The following SHISA9 variants were observed in gnomAD, a reference collection of about 807,000 sequenced individuals.
The protein encoded by SHISA9 is shisa family member 9, also known as protein shisa-9.
SHISA9 carries 13 observed loss-of-function variants against 38.0 expected under a neutral mutation model. The ratio of observed to expected loss-of-function variants is 0.34; its 90% CI spans 0.22 to 0.54. The LOEUF is 0.54. Ranked by LOEUF, SHISA9 falls within the 20% of genes least tolerant of loss-of-function variation. The pLI is 0.91. For missense variants in SHISA9, 538 were observed against 575.8 expected, an observed-to-expected ratio of 0.93 and a Z score of 0.67; for synonymous variants, 275 against 242.0, an observed-to-expected ratio of 1.14 and a Z score of -1.27.
the SHISA9 span, among the ~76,000 whole-genome samples, chr16:13,507,908 T>C: frequency 6.6e-6 from 1 of 152,228 alleles, no homozygotes; most frequent in Non-Finnish European, 1.5e-5. Context: ...GTGCACACAC[T>C]ATTTTAATGA....
intron 2 of SHISA9, among the ~76,000 whole-genome samples, chr16:12,975,920 T>C (rs2072155722): frequency 6.6e-6 from 1 of 151,990 alleles, no homozygotes; most frequent in African/African-American, 2.4e-5. Context: ...AACAGAAACT[T>C]TTAGTTAAAT....
intron 2 of SHISA9, among the ~76,000 whole-genome samples, chr16:12,937,603 T>A (rs1352037566): frequency 6.6e-6 from 1 of 152,184 alleles, no homozygotes; most frequent in Non-Finnish European, 1.5e-5. Context: ...TGGAGAGGGC[T>A]CCCTTCCTGG....
chr16:13,344,760 A>G, the SHISA9 span, among the ~76,000 whole-genome samples: 1 of 152,180 alleles, frequency 6.6e-6, no homozygotes, highest in Non-Finnish European at 1.5e-5. Context: ...GTGAATATAT[A>G]TGCCCCAAAT....
In SHISA9 at chr16:13,080,235, T is replaced by A. The variant is rs573450642; in HGVS notation, c.692-123159T>A. On this transcript the variant is annotated intron_variant, in intron 2 of 4. Coordinates refer to ENST00000558583, the MANE Select transcript of SHISA9 (RefSeq NM_001145204.3). Reference sequence around the variant, plus strand: ...AAAAATACAAAAAATTAGCTGGGCGTGGTGGTGGGCGCCTGTAATCCCAGC... The same window carrying A: ...AAAAATACAAAAAATTAGCTGGGCGAGGTGGTGGGCGCCTGTAATCCCAGC... Among the ~76,000 whole-genome samples the A allele has an allele frequency of 6.5e-3, 985 of 151,982 alleles. 9 individuals carry two copies. Among genetic ancestry groups the A allele is most frequent in the Non-Finnish European group, 0.011 (756 of 67,952 alleles).
chr16:13,059,713 C>G (rs1479992143), intron 2 of SHISA9, among the ~76,000 whole-genome samples: 7 of 152,100 alleles, frequency 4.6e-5, no homozygotes, highest in East Asian at 1.9e-4. Context: ...ATATCACATT[C>G]CGATATTATT....
chr16:13,533,784 T>A, the SHISA9 span, among the ~76,000 whole-genome samples: 2 of 34,068 alleles, frequency 5.9e-5, no homozygotes, highest in South Asian at 2.1e-3. Flanking sequence ...ACTCTCAATT[T>A]TTTTTTTTTT....
At chr16:13,015,896 T>TTCTTTCTC (rs1555454836) in intron 2 of SHISA9, among the ~76,000 whole-genome samples, 5 of 125,826 alleles carry the variant, frequency 4.0e-5, no homozygotes, top group African/African-American at 1.4e-4. Context: ...CTTTCTTTCT[T>TTCTTTCTC]TCTTTCTTTC....
intron 1 of SHISA9, 26 bp from the exon 2 acceptor site, chr16:12,916,662 C>T: frequency 6.5e-7 from 1 of 1,543,104 alleles, no homozygotes; most frequent in Non-Finnish European, 8.7e-7. Flanking sequence ...TTTGAATGAA[C>T]AGATTTAAAT....
chr16:13,190,628 A>G (rs1006889482), intron 2 of SHISA9, among the ~76,000 whole-genome samples: 3 of 152,142 alleles, frequency 2.0e-5, no homozygotes, highest in African/African-American at 7.2e-5. Context: ...GCTGGTTGCA[A>G]CTAGTTCTTC....
intron 4 of SHISA9, among the ~76,000 whole-genome samples, chr16:13,224,168 T>C (rs557675483): frequency 2.0e-5 from 3 of 152,330 alleles, no homozygotes; most frequent in African/African-American, 7.2e-5. Flanking sequence ...CAGTTTGCCA[T>C]TGACAAGAGT....
intron 2 of SHISA9, among the ~76,000 whole-genome samples, chr16:13,081,365 C>A (rs1482601489): frequency 6.6e-6 from 1 of 152,168 alleles, no homozygotes; most frequent in African/African-American, 2.4e-5. Context: ...TTATAGCACT[C>A]TTTATCATGG....
chr16:13,072,725 A>G (rs971408956), intron 2 of SHISA9, among the ~76,000 whole-genome samples: 2 of 151,370 alleles, frequency 1.3e-5, no homozygotes, highest in Non-Finnish European at 2.9e-5. Context: ...CAGTGGCACG[A>G]TCTCAGCTCG....
chr16:13,446,127 A>C, the SHISA9 span, among the ~76,000 whole-genome samples: 11 of 151,864 alleles, frequency 7.2e-5, no homozygotes, highest in African/African-American at 2.7e-4. Context: ...GTGTGTTTTT[A>C]GTAGAGACGG....
intron 2 of SHISA9, among the ~76,000 whole-genome samples, chr16:13,027,759 T>C (rs763117170): frequency 2.6e-5 from 4 of 151,854 alleles, no homozygotes; most frequent in Non-Finnish European, 2.9e-5. Flanking sequence ...AAACCCTGTC[T>C]CTACTAAAAG....
chr16:12,941,414 G>A (rs1485573607), intron 2 of SHISA9, among the ~76,000 whole-genome samples: 5 of 152,010 alleles, frequency 3.3e-5, no homozygotes, highest in African/African-American at 9.7e-5. Context: ...TATATTTGTG[G>A]GGTACATGAT....
At chr16:13,456,187 C>T in the SHISA9 span, among the ~76,000 whole-genome samples, 2 of 152,182 alleles carry the variant, frequency 1.3e-5, no homozygotes, top group East Asian at 1.9e-4. Context: ...TGAATGACTT[C>T]GTCACTATGT....
the SHISA9 span, among the ~76,000 whole-genome samples, chr16:13,422,627 C>T: frequency 6.6e-6 from 1 of 152,104 alleles, no homozygotes; most frequent in Non-Finnish European, 1.5e-5. Flanking sequence ...ACCTGAGAGG[C>T]GGAGGTTGCA....
intron 2 of SHISA9, among the ~76,000 whole-genome samples, chr16:12,989,270 C>A (rs919418602): frequency 6.6e-6 from 1 of 151,950 alleles, no homozygotes. Context: ...CTCTGCCTGC[C>A]GGGTTCAAGT....
rs1567179910 is a variant in SHISA9, at chr16:13,008,656, TC to T, written c.691+91844del. Among the ~76,000 whole-genome samples the T allele has an allele frequency of 3.1e-4, 7 of 22,874 alleles. 1 individual carries two copies. The highest frequency in any genetic ancestry group is 0.071 in the Middle Eastern group (2 of 28). The allele number at this position is 22,874 out of a possible 152,430, so 15.0% of individuals were successfully genotyped here. ...TCTCCTCCCTCCCTCCCTCCCTCCC[TC>T]CCTCCCTTCCTCCCTCCCTCCCTCT... On this transcript the variant is annotated intron_variant, in intron 2 of 4. Transcript: ENST00000558583.
Sources: allele counts gnomAD v4.1 joint callset (sites outside exome capture counted in the v4.1 genomes callset), GRCh38; gene constraint gnomAD v4.1.1; transcripts MANE v1.5; gene names NCBI Gene and HGNC (gene_info 2026-07-23, HGNC 2026-07-21).